BCL2L11: variants seen among roughly 807,000 people sequenced by gnomAD.
BCL2L11 encodes bcl-2-like protein 11.
In BCL2L11, 15 loss-of-function variants were observed where a neutral mutation model predicts 20.6. The observed-to-expected ratio is 0.73, with a 90% CI of 0.49 to 1.12. The LOEUF is 1.12. BCL2L11 is among the 50% of genes most tolerant of loss of function. The pLI is 0.00. For synonymous variants in BCL2L11, 108 were observed against 92.8 expected (o/e 1.16, Z -0.94); for missense variants, 292 against 260.9 (o/e 1.12, Z -0.82).
rs764690669 is a variant in BCL2L11 at position 111,168,281 on chromosome 2, G to A, written c.*4050G>A. 19 of 152,614 alleles carry A rather than the reference G, an allele frequency of 1.2e-4. No homozygotes were observed. The highest frequency in any genetic ancestry group is 1.5e-4 in the Non-Finnish European group (10 of 68,044). The allele number at this position is 152,614 out of a possible 1,614,324, so 9.5% of individuals were successfully genotyped here. ...ACTAACCTGTTTTCTAGGACCCAGC[G>A]TATGTAGCATTTGTATTGCAGTTTC... On this transcript the variant is annotated 3_prime_UTR_variant, in exon 4 of 4. Transcript: ENST00000393256.
chr2:111,142,800 T>C (rs1462468532), intron 2 of BCL2L11, among the ~76,000 whole-genome samples: 4 of 152,238 alleles, frequency 2.6e-5, no homozygotes, highest in Admixed American at 2.0e-4. Flanking sequence ...TCAGAAATTC[T>C]TATATTTTTT....
chr2:111,134,119 T>C (rs2074436647), intron 2 of BCL2L11, among the ~76,000 whole-genome samples: 1 of 152,010 alleles, frequency 6.6e-6, no homozygotes, highest in Non-Finnish European at 1.5e-5. Context: ...TTTTATCTAG[T>C]CTGCCCAATC....
intron 2 of BCL2L11, among the ~76,000 whole-genome samples, chr2:111,143,804 G>A (rs1004161730): frequency 1.3e-5 from 2 of 152,166 alleles, no homozygotes; most frequent in Non-Finnish European, 2.9e-5. Flanking sequence ...GTGTGTCGGG[G>A]ACAGCTCTGG....
rs5833391 is a variant in BCL2L11, at chr2:111,120,979, T to TGCCGCC, written c.-186_-181dup. On this transcript the variant is annotated 5_prime_UTR_variant, in exon 1 of 4. Coordinates refer to ENST00000393256, the MANE Select transcript of BCL2L11 (RefSeq NM_138621.5). ...GCTCTGCGTCCAGCGCCGCTGCCGC[T>TGCCGCC]GCCGCCGCCGCCGCCGCCGCCGCCG... The TGCCGCC allele has an allele frequency of 1.5e-3, 500 of 336,094 alleles. 5 individuals are homozygous for TGCCGCC. Among genetic ancestry groups the TGCCGCC allele is most frequent in the South Asian group, 3.9e-3 (73 of 18,686 alleles). 20.8% of individuals were successfully genotyped at this position (336,094 alleles called of 1,614,324 possible).
At position 111,123,847 on chromosome 2, in the gene BCL2L11, C is replaced by T. The variant is rs150345581; in HGVS notation, c.102C>T (p.Thr34=). Residue 34 remains threonine (T), a synonymous_variant, in exon 2 of 4, where the codon ACC becomes ACT. Coordinates refer to ENST00000393256, the MANE Select transcript of BCL2L11 (RefSeq NM_138621.5). ...CCCAGCTCAGACCTGGGGCCCCTAC[C>T]TCCCTACAGACAGAGCCACAAGGTA... is the stretch of plus-strand genomic sequence containing the variant. ...RPPQLRPGAP[T]SLQTEPQGNP... The T allele has an allele frequency of 2.1e-5, 33 of 1,571,412 alleles. No individual in the cohort carries two copies. The highest frequency in any genetic ancestry group is 2.7e-5 in the Non-Finnish European group (31 of 1,159,902).
chr2:111,133,747 G>A (rs2074360851), intron 2 of BCL2L11, among the ~76,000 whole-genome samples: 1 of 152,154 alleles, frequency 6.6e-6, no homozygotes, highest in Admixed American at 6.5e-5. Context: ...GATCTTACTG[G>A]TTGATTGTGT....
intron 3 of BCL2L11, among the ~76,000 whole-genome samples, chr2:111,154,643 A>G (rs1368855429): frequency 6.6e-6 from 1 of 152,230 alleles, no homozygotes; most frequent in African/African-American, 2.4e-5. Flanking sequence ...CATGATGTCC[A>G]TTTGTCCTGT....
rs2070800229 is a variant in BCL2L11 at position 111,121,107 on chromosome 2, C to T, written c.-95C>T. 3.4e-6 allele frequency: 1 copy of T among 293,184 alleles called. No homozygotes were observed. Among genetic ancestry groups the T allele is most frequent in the Non-Finnish European group, 6.3e-6 (1 of 158,514 alleles). The allele number at this position is 293,184 out of a possible 1,614,324, so 18.2% of individuals were successfully genotyped here. ...TCGCGGTATTCGGTTCGCTGCGTTC[C>T]CGCCGCCACCGCCTCGGCGCCCTTT... is the stretch of plus-strand genomic sequence containing the variant. On this transcript the variant is annotated 5_prime_UTR_variant, in exon 1 of 4. Coordinates refer to ENST00000393256, the MANE Select transcript of BCL2L11 (RefSeq NM_138621.5).
chr2:111,142,356 A>G (rs1397421793), intron 2 of BCL2L11: 3 of 1,550,440 alleles, frequency 1.9e-6, no homozygotes, highest in Non-Finnish European at 2.6e-6. Flanking sequence ...TTCATAGGGA[A>G]GTTCAGTGGC....
At position 111,125,735 on chromosome 2, in the gene BCL2L11, A is replaced by G. The variant is rs1446925481; in HGVS notation, c.394+1596A>G. 2.0e-5 allele frequency among the ~76,000 whole-genome samples: 3 copies of G among 152,092 alleles called. No individual in the cohort carries two copies. In the East Asian group the frequency reaches 5.9e-4, roughly 30 times the overall value. On this transcript the variant is annotated intron_variant, in intron 2 of 3. Coordinates refer to ENST00000393256, the MANE Select transcript of BCL2L11 (RefSeq NM_138621.5). ...AAATGACAGACATCCCAGCAGCTACACATGCTGGCTGCACGTCTCTTGCCA... is the reference window on the plus strand; with the variant it reads ...AAATGACAGACATCCCAGCAGCTACGCATGCTGGCTGCACGTCTCTTGCCA...
intron 1 of BCL2L11, chr2:111,123,236 G>A (rs2071612801): frequency 1.0e-6 from 1 of 985,492 alleles, no homozygotes; most frequent in Non-Finnish European, 1.2e-6. Flanking sequence ...ACGACTGACG[G>A]CCGCTGCCAG....
chr2:111,126,990 G>A (rs1359183073), intron 2 of BCL2L11, among the ~76,000 whole-genome samples: 1 of 139,662 alleles, frequency 7.2e-6, no homozygotes, highest in African/African-American at 2.9e-5. Flanking sequence ...TTGAGTGTTT[G>A]TATTAACACT....
intron 2 of BCL2L11, among the ~76,000 whole-genome samples, chr2:111,138,737 G>T (rs995628879): frequency 6.6e-6 from 1 of 152,180 alleles, no homozygotes; most frequent in South Asian, 2.1e-4. Flanking sequence ...TCCCCCACAG[G>T]CTGCTCTTGG....
chr2:111,122,596 C>T, intron 1 of BCL2L11: 4 of 984,164 alleles, frequency 4.1e-6, no homozygotes, highest in Non-Finnish European at 4.8e-6. Context: ...GCGGGGAGGT[C>T]GGCGGTGCCG....
At chr2:111,147,089 C>G (rs112262792) in intron 2 of BCL2L11, among the ~76,000 whole-genome samples, 118 of 152,244 alleles carry the variant, frequency 7.8e-4, no homozygotes, top group African/African-American at 2.7e-3. Context: ...CTTTTTAAAA[C>G]TACACCTAAG....
At chr2:111,126,933 ACT>A (rs1190494982) in intron 2 of BCL2L11, among the ~76,000 whole-genome samples, 4 of 152,194 alleles carry the variant, frequency 2.6e-5, no homozygotes, top group African/African-American at 9.6e-5. Context: ...GTTTTGCAAA[ACT>A]TTGTTCTAAT....
At chr2:111,132,821 T>C (rs2074200262) in intron 2 of BCL2L11, among the ~76,000 whole-genome samples, 1 of 152,206 alleles carries the variant, frequency 6.6e-6, no homozygotes, top group Non-Finnish European at 1.5e-5. Context: ...TCAGGAACCT[T>C]GTAAGGGAAC....
intron 2 of BCL2L11, among the ~76,000 whole-genome samples, chr2:111,126,797 G>T (rs2072722538): frequency 6.6e-6 from 1 of 152,136 alleles, no homozygotes; most frequent in Admixed American, 6.5e-5. Context: ...CATTATGATT[G>T]GTTTGAACTA....
chr2:111,128,141 C>T (rs1464594607), intron 2 of BCL2L11, among the ~76,000 whole-genome samples: 2 of 152,034 alleles, frequency 1.3e-5, no homozygotes, highest in African/African-American at 4.8e-5. Flanking sequence ...ATTCTATTTT[C>T]TGTCTATTAA....
Sources: gnomAD v4.1 joint callset for allele counts (sites outside exome capture counted in the v4.1 genomes callset) on GRCh38, gnomAD v4.1.1 for gene constraint, MANE v1.5 for transcripts, NCBI Gene and HGNC (gene_info 2026-07-23, HGNC 2026-07-21) for gene names.